Variants in IGF2BP1 observed in about 807,000 individuals in gnomAD.
IGF2BP1 encodes the protein insulin-like growth factor 2 mRNA-binding protein 1.
IGF2BP1 carries 11 observed loss-of-function variants against 74.9 expected under a neutral mutation model. The observed-to-expected ratio is 0.15, with a 90% confidence interval of 0.09 to 0.24. The LOEUF (loss-of-function observed/expected upper bound fraction) is 0.24. Ranked by LOEUF, IGF2BP1 falls within the 10% of genes least tolerant of loss-of-function variation. The pLI is 1.00. For synonymous variants in IGF2BP1, 287 were observed against 281.8 expected, an observed-to-expected ratio of 1.02 and a Z score of -0.18; for missense variants, 440 against 757.4, an observed-to-expected ratio of 0.58 and a Z score of 4.92.
intron 2 of IGF2BP1, 55 bp downstream of exon 2, chr17:48,999,224 A>G (rs371342789): frequency 2.9e-6 from 3 of 1,020,026 alleles, no homozygotes; most frequent in Admixed American, 1.8e-5. Flanking sequence ...TGTGCTGTGA[A>G]GCTGTGTTCA....
At chr17:49,025,297 G>C (rs1305046898) in intron 2 of IGF2BP1, among the ~76,000 whole-genome samples, 3 of 149,556 alleles carry the variant, frequency 2.0e-5, no homozygotes, top group Non-Finnish European at 4.4e-5. Flanking sequence ...GAATGAGAAA[G>C]TGGTGGGACA....
At position 49,052,588 on chromosome 17, in the gene IGF2BP1, C is replaced by T. The variant is rs1052515823; in HGVS notation, c.*3144C>T. On this transcript the variant is annotated 3_prime_UTR_variant, in exon 15 of 15. Transcript: ENST00000290341. Reference sequence around the variant, plus strand: ...AGGAAAATCATGTAAGTTATACCACCAGAAAGCAAAAGGAGCATGGTTTGG... The same window carrying T: ...AGGAAAATCATGTAAGTTATACCACTAGAAAGCAAAAGGAGCATGGTTTGG... 1 of 152,168 alleles carries T rather than the reference C, an allele frequency of 6.6e-6. No homozygotes were observed. Among genetic ancestry groups the T allele is most frequent in the African/African-American group, 2.4e-5 (1 of 41,370 alleles). The allele number at this position is 152,168 out of a possible 1,614,324, so 9.4% of individuals were successfully genotyped here.
intron 5 of IGF2BP1, among the ~76,000 whole-genome samples, chr17:49,035,193 G>A (rs984726237): frequency 1.3e-5 from 2 of 152,192 alleles, no homozygotes; most frequent in East Asian, 1.9e-4. Flanking sequence ...AGTTTATTAG[G>A]AAAGATAAGG....
intron 2 of IGF2BP1, among the ~76,000 whole-genome samples, chr17:49,023,485 G>A (rs879263516): frequency 3.3e-5 from 5 of 152,192 alleles, no homozygotes; most frequent in Non-Finnish European, 7.3e-5. Context: ...TATGGGTAAA[G>A]TGAGTGAACT....
At position 49,038,228 on chromosome 17, in the gene IGF2BP1, C is replaced by T. The variant is rs2042010282; in HGVS notation, c.462C>T (p.Ile154=). ...LENHALKVSY[I]PDEQIAQGPE... is the part of the protein sequence containing the mutation. ...ACCATGCCCTGAAGGTCTCCTACAT[C>T]CCCGATGAGCAGATAGCACAGGGAC... Residue 154 remains isoleucine (I), a synonymous_variant, in exon 6 of 15, where the codon ATC becomes ATT. Coordinates refer to ENST00000290341, the MANE Select transcript of IGF2BP1 (RefSeq NM_006546.4). 6.4e-7 allele frequency: 1 copy of T among 1,567,236 alleles called. No individual in the cohort carries two copies.
intron 2 of IGF2BP1, among the ~76,000 whole-genome samples, chr17:49,020,720 T>C (rs1395993306): frequency 2.0e-5 from 3 of 152,176 alleles, no homozygotes; most frequent in African/African-American, 7.2e-5. Flanking sequence ...AATCAAAACA[T>C]CCCACCTATA....
intron 1 of IGF2BP1, 71 bp from the exon 2 acceptor site, chr17:48,999,038 T>C (rs2041448497): frequency 2.2e-6 from 2 of 922,856 alleles, no homozygotes; most frequent in Non-Finnish European, 3.5e-6. Flanking sequence ...CCTAGTGTCT[T>C]TTCCCCTTCC....
At chr17:49,034,269 C>T (rs2041958102) in intron 5 of IGF2BP1, among the ~76,000 whole-genome samples, 1 of 151,982 alleles carries the variant, frequency 6.6e-6, no homozygotes, top group African/African-American at 2.4e-5. Context: ...AGGTGTCTGC[C>T]ACCATGCCTG....
chr17:49,043,340 T>TG (rs1390617700), intron 9 of IGF2BP1, 88 bp from the exon 10 acceptor site: 16 of 1,505,204 alleles, frequency 1.1e-5, no homozygotes, highest in Non-Finnish European at 1.5e-5. Context: ...CACTTGCCTC[T>TG]GGGGCTACTC....
intron 2 of IGF2BP1, among the ~76,000 whole-genome samples, chr17:49,019,938 A>ATATATATATATATT (rs1555597792): frequency 8.2e-4 from 47 of 57,336 alleles, no homozygotes; most frequent in East Asian, 4.3e-3. Context: ...ATATATATAT[A>ATATATATATATATT]TATATATATA....
intron 2 of IGF2BP1, among the ~76,000 whole-genome samples, chr17:48,999,492 G>A (rs1334041747): frequency 3.9e-5 from 6 of 151,942 alleles, no homozygotes; most frequent in Non-Finnish European, 7.4e-5. Flanking sequence ...TTTTGTGGGG[G>A]AACCTTAAAA....
intron 3 of IGF2BP1, 57 bp downstream of exon 3, chr17:49,025,723 T>C: frequency 6.6e-7 from 1 of 1,518,830 alleles, no homozygotes; most frequent in Non-Finnish European, 9.1e-7. Flanking sequence ...GGAAAGTACG[T>C]CTGGACTAGC....
At chr17:49,037,783 T>C (rs906111958) in intron 5 of IGF2BP1, among the ~76,000 whole-genome samples, 21 of 152,196 alleles carry the variant, frequency 1.4e-4, no homozygotes, top group Non-Finnish European at 2.6e-4. Flanking sequence ...GTGGAGCCTC[T>C]TCAGGTCTGT....
chr17:49,038,862 CTTCT>C (rs1239461719), intron 6 of IGF2BP1, among the ~76,000 whole-genome samples: 5 of 147,560 alleles, frequency 3.4e-5, no homozygotes, highest in Admixed American at 1.4e-4. Context: ...CCACTGCCAC[CTTCT>C]TTCTTTAATA....
At chr17:49,042,409 T>C (rs906986760) in intron 9 of IGF2BP1, 32 bp downstream of exon 9, 7 of 1,613,292 alleles carry the variant, frequency 4.3e-6, no homozygotes. Flanking sequence ...CTGCTTATCC[T>C]TTCCTGAGTC....
chr17:49,015,357 G>A (rs1197322097), intron 2 of IGF2BP1, among the ~76,000 whole-genome samples: 1 of 152,114 alleles, frequency 6.6e-6, no homozygotes, highest in African/African-American at 2.4e-5. Context: ...CCAGAGAGGC[G>A]GGGCCGGGCC....
intron 5 of IGF2BP1, among the ~76,000 whole-genome samples, chr17:49,033,769 A>G (rs557953587): frequency 1.3e-5 from 2 of 152,278 alleles, no homozygotes; most frequent in Admixed American, 1.3e-4. Context: ...TCCAAGTGGT[A>G]AGCAAGCCAT....
chr17:49,009,809 G>A (rs1382109628), intron 2 of IGF2BP1, among the ~76,000 whole-genome samples: 1 of 151,964 alleles, frequency 6.6e-6, no homozygotes, highest in Non-Finnish European at 1.5e-5. Context: ...CCTGGGCGCG[G>A]TTGCTCACAC....
At chr17:48,998,013 C>A in intron 1 of IGF2BP1, 93 bp downstream of exon 1, 1 of 1,433,978 alleles carries the variant, frequency 7.0e-7, no homozygotes, top group Non-Finnish European at 9.5e-7. Context: ...CAACTCCTCT[C>A]TTCCCGGGCC....
Sources: allele counts gnomAD v4.1 joint callset (sites outside exome capture counted in the v4.1 genomes callset), GRCh38; gene constraint gnomAD v4.1.1; transcripts MANE v1.5; gene names NCBI Gene and HGNC (gene_info 2026-07-23, HGNC 2026-07-21).